The following EPB41L4A variants were observed in gnomAD, a reference collection of about 807,000 sequenced individuals.
The protein encoded by EPB41L4A is erythrocyte membrane protein band 4.1 like 4A.
EPB41L4A carries 100 observed loss-of-function variants against 108.6 expected under a neutral mutation model. The observed-to-expected ratio is 0.92, with a 90% CI of 0.78 to 1.09. The LOEUF (loss-of-function observed/expected upper bound fraction) is 1.09. Among genes scored for constraint, EPB41L4A ranks in the 50% least tolerant of loss-of-function variants. EPB41L4A has a pLI of 0.00. For missense variants in EPB41L4A, 1,030 were observed against 842.7 expected (o/e 1.22, Z -2.75); for synonymous variants, 319 against 289.0 (o/e 1.10, Z -1.05).
chr5:112,417,281 GAAT>G (rs1371602969), intron 1 of EPB41L4A, among the ~76,000 whole-genome samples: 1 of 152,176 alleles, frequency 6.6e-6, no homozygotes, highest in African/African-American at 2.4e-5. Flanking sequence ...TCTCTTGACA[GAAT>G]AATGTACACG....
chr5:112,250,335 G>T (rs974443425), intron 9 of EPB41L4A, among the ~76,000 whole-genome samples: 1 of 152,060 alleles, frequency 6.6e-6, no homozygotes, highest in Non-Finnish European at 1.5e-5. Flanking sequence ...ATCATGTTGA[G>T]CTTATTCTTA....
chr5:112,400,706 A>G (rs1399134864), intron 1 of EPB41L4A, among the ~76,000 whole-genome samples: 1 of 152,208 alleles, frequency 6.6e-6, no homozygotes, highest in East Asian at 1.9e-4. Flanking sequence ...ACAATTCAAC[A>G]TGAGATTTGT....
chr5:112,404,480 A>AT (rs1158393688), intron 1 of EPB41L4A, among the ~76,000 whole-genome samples: 2 of 152,190 alleles, frequency 1.3e-5, no homozygotes, highest in African/African-American at 2.4e-5. Context: ...AAGCCTCCCA[A>AT]TACTTGTCAT....
intron 17 of EPB41L4A, among the ~76,000 whole-genome samples, chr5:112,186,644 A>T (rs982410521): frequency 3.3e-5 from 5 of 152,218 alleles, no homozygotes; most frequent in Admixed American, 2.0e-4. Flanking sequence ...AAAATGTAAG[A>T]GCCTTTGGAG....
Position 112,234,543 on chromosome 5 carries a change from T to C in EPB41L4A, c.1087+91A>G, listed in dbSNP as rs1580491803. The C allele has an allele frequency of 5.1e-6, 6 of 1,170,864 alleles. No homozygotes were observed. In the East Asian group the frequency reaches 1.0e-4, roughly 20 times the overall value. 72.5% of individuals were successfully genotyped at this position (1,170,864 alleles called of 1,614,324 possible). A position where few individuals can be genotyped will look rare whatever the true frequency, so the allele number is the denominator to read the frequency against. On this transcript the variant is annotated intron_variant, in intron 12 of 22. Coordinates refer to ENST00000261486, the MANE Select transcript of EPB41L4A (RefSeq NM_022140.5). ...ATTGGAAATTTCAATAGAAAGACTGTAGAGTTATAGACATCACCTGAGTAT... is the reference window on the plus strand; with the variant it reads ...ATTGGAAATTTCAATAGAAAGACTGCAGAGTTATAGACATCACCTGAGTAT...
rs190970831 is a variant in EPB41L4A, at chr5:112,214,349, C to G, written c.1088-4367G>C. On this transcript the variant is annotated intron_variant, in intron 12 of 22. Transcript: ENST00000261486. ...GAAAATATTTGGAGGTTAGATAAATCTTTCCCCACCACCACTGCTTTTTCA... is the reference window on the plus strand; with the variant it reads ...GAAAATATTTGGAGGTTAGATAAATGTTTCCCCACCACCACTGCTTTTTCA... Among the ~76,000 whole-genome samples, 723 of 152,322 alleles carry G rather than the reference C, an allele frequency of 4.7e-3. 4 individuals are homozygous for G. Among genetic ancestry groups the G allele is most frequent in the Middle Eastern group, 0.01 (3 of 294 alleles).
intron 4 of EPB41L4A, among the ~76,000 whole-genome samples, chr5:112,272,077 C>T (rs1752296386): frequency 6.6e-6 from 1 of 151,778 alleles, no homozygotes. Flanking sequence ...TTCTGAAATA[C>T]TGCATATATT....
intron 3 of EPB41L4A, among the ~76,000 whole-genome samples, chr5:112,277,163 G>A (rs901196319): frequency 6.6e-6 from 1 of 152,174 alleles, no homozygotes; most frequent in Non-Finnish European, 1.5e-5. Flanking sequence ...GGGTCTGCCT[G>A]TGCCCGCAGG....
At chr5:112,329,061 G>C (rs752523000) in intron 1 of EPB41L4A, among the ~76,000 whole-genome samples, 2 of 152,206 alleles carry the variant, frequency 1.3e-5, no homozygotes, top group Non-Finnish European at 2.9e-5. Context: ...TGTGCAGTCC[G>C]ATACGGTAGC....
At chr5:112,272,517 A>C (rs1045888108) in intron 4 of EPB41L4A, among the ~76,000 whole-genome samples, 1 of 151,752 alleles carries the variant, frequency 6.6e-6, no homozygotes. Flanking sequence ...TAGGAGTAAA[A>C]AGACCGGGTT....
intron 1 of EPB41L4A, among the ~76,000 whole-genome samples, chr5:112,334,541 AG>A (rs1353937165): frequency 1.3e-5 from 2 of 152,152 alleles, no homozygotes; most frequent in Non-Finnish European, 2.9e-5. Context: ...TATTGATTCC[AG>A]GTCTTTATAT....
chr5:112,223,737 G>C (rs929528580), intron 12 of EPB41L4A, among the ~76,000 whole-genome samples: 2 of 152,126 alleles, frequency 1.3e-5, no homozygotes, highest in Non-Finnish European at 2.9e-5. Context: ...ACAACTCAAA[G>C]GCAGAGACAA....
At chr5:112,218,282 G>A (rs1747800428) in intron 12 of EPB41L4A, among the ~76,000 whole-genome samples, 1 of 152,228 alleles carries the variant, frequency 6.6e-6, no homozygotes, top group African/African-American at 2.4e-5. Context: ...GGTGCACATT[G>A]TTCCTTCAAG....
intron 1 of EPB41L4A, among the ~76,000 whole-genome samples, chr5:112,403,559 C>T (rs1487906505): frequency 6.6e-6 from 1 of 152,134 alleles, no homozygotes; most frequent in African/African-American, 2.4e-5. Flanking sequence ...ACCTCTAACT[C>T]CTGGATTCAA....
chr5:112,205,469 G>T lies in EPB41L4A; in HGVS notation c.1214C>A (p.Thr405Asn). 6.2e-7 allele frequency: 1 copy of T among 1,613,444 alleles called. No homozygotes were observed. Among genetic ancestry groups the T allele is most frequent in the Non-Finnish European group, 8.5e-7 (1 of 1,179,742 alleles). ...KKAKNENSPD[T>N]QRSKSHAPWE... is the part of the protein sequence containing the mutation. ...CGGTGCATGAGATTTGCTTCTTTGGGTATCAGGGCTATTTTCATTCTTTGC... is the reference window on the plus strand; with the variant it reads ...CGGTGCATGAGATTTGCTTCTTTGGTTATCAGGGCTATTTTCATTCTTTGC... The change falls in exon 14 of 23, where the codon ACC becomes AAC. Residue 405 changes from threonine (T) to asparagine (N), a missense_variant. Coordinates refer to ENST00000261486, the MANE Select transcript of EPB41L4A (RefSeq NM_022140.5).
At chr5:112,379,261 C>T (rs961834271) in intron 1 of EPB41L4A, among the ~76,000 whole-genome samples, 6 of 152,156 alleles carry the variant, frequency 3.9e-5, no homozygotes, top group Non-Finnish European at 5.9e-5. Context: ...CTTTTATGTA[C>T]TAAACCTATA....
chr5:112,271,648 G>A (rs1322183610), intron 4 of EPB41L4A, among the ~76,000 whole-genome samples: 1 of 152,110 alleles, frequency 6.6e-6, no homozygotes, highest in Non-Finnish European at 1.5e-5. Context: ...GAGCTATGAA[G>A]GACACACAAT....
At chr5:112,190,410 AC>A (rs1271195763) in intron 17 of EPB41L4A, among the ~76,000 whole-genome samples, 1 of 152,156 alleles carries the variant, frequency 6.6e-6, no homozygotes, top group Non-Finnish European at 1.5e-5. Flanking sequence ...AATTTTACAT[AC>A]AATTTCATGG....
intron 1 of EPB41L4A, among the ~76,000 whole-genome samples, chr5:112,350,359 T>C (rs1406448606): frequency 1.3e-5 from 2 of 152,188 alleles, no homozygotes; most frequent in Non-Finnish European, 2.9e-5. Flanking sequence ...TTTTGATACA[T>C]AATAGCTGTA....
Sources: allele counts gnomAD v4.1 joint callset (sites outside exome capture counted in the v4.1 genomes callset), GRCh38; gene constraint gnomAD v4.1.1; transcripts MANE v1.5; gene names NCBI Gene and HGNC (gene_info 2026-07-23, HGNC 2026-07-21).